The following SBNO2 variants were observed in gnomAD, a reference collection of about 807,000 sequenced individuals.
SBNO2 encodes strawberry notch homolog 2.
A neutral mutation model predicts 146.3 loss-of-function variants in SBNO2; 89 were observed. That is an observed-to-expected ratio of 0.61 (90% CI 0.51 to 0.73). The LOEUF is 0.73. Among genes scored for constraint, SBNO2 ranks in the 30% least tolerant of loss-of-function variants. The pLI is 0.00. For synonymous variants in SBNO2, 1,147 were observed against 892.6 expected (o/e 1.29, Z -5.08); for missense variants, 2,092 against 2,003.7 (o/e 1.04, Z -0.84).
In SBNO2 at chr19:1,138,812, C is replaced by T. The variant is rs543635267; in HGVS notation, c.279+8497G>A. 1.1e-4 allele frequency among the ~76,000 whole-genome samples: 16 copies of T among 151,018 alleles called. No homozygotes were observed. The East Asian group carries it at 2.2e-3, about 20-fold the overall frequency. On this transcript the variant is annotated intron_variant, in intron 4 of 31. Transcript: ENST00000361757. Reference sequence around the variant, plus strand: ...AGTGGGGCCCTCCACGCCTCCATCACGGACAGACACAGTTGGTCCTCCACG... The same window carrying T: ...AGTGGGGCCCTCCACGCCTCCATCATGGACAGACACAGTTGGTCCTCCACG...
intron 7 of SBNO2, 49 bp downstream of exon 7, chr19:1,123,485 C>T (rs747538773): frequency 6.5e-7 from 1 of 1,539,750 alleles, no homozygotes; most frequent in Admixed American, 1.7e-5. Flanking sequence ...CTCGGTCCCA[C>T]AAAAGGGTTT....
chr19:1,172,239 C>T (rs538524747), intron 1 of SBNO2, among the ~76,000 whole-genome samples: 1 of 152,344 alleles, frequency 6.6e-6, no homozygotes, highest in East Asian at 1.9e-4. Flanking sequence ...TCTCCTCTGC[C>T]GTCTCCCCTG....
intron 1 of SBNO2, among the ~76,000 whole-genome samples, chr19:1,170,062 C>T (rs140119588): frequency 3.5e-4 from 53 of 152,352 alleles, no homozygotes; most frequent in African/African-American, 1.2e-3. Flanking sequence ...AACGGAGTCA[C>T]GTGCCGTGGC....
In SBNO2 at chr19:1,140,608, G is replaced by A. The variant is rs1012817369; in HGVS notation, c.279+6701C>T. 1.3e-5 allele frequency among the ~76,000 whole-genome samples: 2 copies of A among 152,144 alleles called. No individual in the cohort carries two copies. The highest frequency in any genetic ancestry group is 4.8e-5 in the African/African-American group (2 of 41,432). ...CGCAGCGTGAGCCCCAGGGGTGGGG[G>A]TGGGGGTGGCCAGGGAGCAGGCAGA... is the stretch of plus-strand genomic sequence containing the variant. On this transcript the variant is annotated intron_variant, in intron 4 of 31. Coordinates refer to ENST00000361757, the MANE Select transcript of SBNO2 (RefSeq NM_014963.3). This position sits in a 1 kb window ranked among gnomAD's most constrained non-coding sequence, Gnocchi z 4.4.
chr19:1,122,146 T>C lies in SBNO2; in HGVS notation c.1142A>G (p.Glu381Gly). 1 of 1,378,672 alleles carries C rather than the reference T, an allele frequency of 7.3e-7. No homozygotes were observed. Among genetic ancestry groups the C allele is most frequent in the Non-Finnish European group, 9.5e-7 (1 of 1,058,186 alleles). The allele number at this position is 1,378,672 out of a possible 1,614,324, so 85.4% of individuals were successfully genotyped here. A position where few individuals can be genotyped will look rare whatever the true frequency, so the allele number is the denominator to read the frequency against. ...TTGCCCCCAGCAGGATACGACGCCC[T>C]CGAAGGCCTCCCCACACCAGTCCAG... Reference protein sequence around the residue: ...QILDWCGEAFEGVIVFDECHK... With the variant: ...QILDWCGEAFGGVIVFDECHK... The change falls in exon 11 of 32, where the codon GAG becomes GGG. Residue 381 changes from glutamate to glycine, a missense_variant. By Grantham distance (98) the Glu-to-Gly change is moderately conservative (BLOSUM62 -2). Transcript: ENST00000361757.
chr19:1,134,622 T>G (rs1385740704), intron 4 of SBNO2, among the ~76,000 whole-genome samples: 4 of 151,842 alleles, frequency 2.6e-5, no homozygotes, highest in African/African-American at 9.7e-5. Flanking sequence ...GGAAAAGCAT[T>G]CAGGTTATCA....
chr19:1,111,895 T>C, intron 23 of SBNO2, 101 bp downstream of exon 23: 1 of 1,086,136 alleles, frequency 9.2e-7, no homozygotes, highest in Non-Finnish European at 1.3e-6. Context: ...GAGCCCCACG[T>C]TCTCCAGCCC....
Position 1,158,400 on chromosome 19 carries a change from C to A in SBNO2, c.-126-3998G>T, listed in dbSNP as rs2080312581. 6.6e-6 allele frequency among the ~76,000 whole-genome samples: 1 copy of A among 152,144 alleles called. No individual in the cohort carries two copies. The highest frequency in any genetic ancestry group is 1.5e-5 in the Non-Finnish European group (1 of 68,008). ...GGAGCCTTGACGTGACCCCCAGAGC[C>A]AGACTCAGCAGCTCAGGCCACGCTG... On this transcript the variant is annotated intron_variant, in intron 1 of 31. Coordinates refer to ENST00000361757, the MANE Select transcript of SBNO2 (RefSeq NM_014963.3). The surrounding 1 kb of genome is among the most constrained non-coding windows in gnomAD (Gnocchi z 9.9).
At position 1,107,693 on chromosome 19, in the gene SBNO2, C is replaced by T. The variant is rs776751278; in HGVS notation, c.*527G>A. On this transcript the variant is annotated 3_prime_UTR_variant, in exon 32 of 32. Transcript: ENST00000361757. ...AGTCCTTTACATATGTACATCAGAA[C>T]TTGCTATAAATACATAGAAACCGCA... is the stretch of plus-strand genomic sequence containing the variant. 6.5e-6 allele frequency: 1 copy of T among 152,756 alleles called. No homozygotes were observed. Among genetic ancestry groups the T allele is most frequent in the Non-Finnish European group, 1.5e-5 (1 of 68,194 alleles). The allele number at this position is 152,756 out of a possible 1,614,324, so 9.5% of individuals were successfully genotyped here. A position where few individuals can be genotyped will look rare whatever the true frequency, so the allele number is the denominator to read the frequency against.
At chr19:1,167,728 G>A (rs2080439344) in intron 1 of SBNO2, among the ~76,000 whole-genome samples, 1 of 152,320 alleles carries the variant, frequency 6.6e-6, no homozygotes, top group South Asian at 2.1e-4. Flanking sequence ...GGGGGTGGGG[G>A]GGACGGTGGC....
At position 1,110,554 on chromosome 19, in the gene SBNO2, G is replaced by A. The variant is rs574171463; in HGVS notation, c.3028+191C>T. Among the ~76,000 whole-genome samples the A allele has an allele frequency of 4.3e-4, 59 of 136,784 alleles. No individual in the cohort carries two copies. The highest frequency in any genetic ancestry group is 1.4e-3 in the African/African-American group (53 of 37,388). The allele number at this position is 136,784 out of a possible 152,430, so 89.7% of individuals were successfully genotyped here. A position where few individuals can be genotyped will look rare whatever the true frequency, so the allele number is the denominator to read the frequency against. ...AATGCACGGTGTTCCCACGAGCCCC[G>A]AGCCCACCTGGGATGCCCGGCGTTC... On this transcript the variant is annotated intron_variant, in intron 26 of 31. Transcript: ENST00000361757. This position sits in a 1 kb window ranked among gnomAD's most constrained non-coding sequence, Gnocchi z 4.9.
chr19:1,149,435 A>G lies in SBNO2; in HGVS notation c.101T>C (p.Met34Thr). 1 of 1,551,822 alleles carries G rather than the reference A, an allele frequency of 6.4e-7. No individual in the cohort carries two copies. Among genetic ancestry groups the G allele is most frequent in the Non-Finnish European group, 8.7e-7 (1 of 1,147,878 alleles). Residue 34 changes from methionine to threonine, a missense_variant, in exon 3 of 32, where the codon ATG (methionine) becomes ACG (threonine). Met to Thr is a moderately conservative substitution (Grantham distance 81, BLOSUM62 -1). Transcript: ENST00000361757. The part of the protein sequence containing the change: ...LYSPPPLQSA[M>T]LHCPYWNTFS... Reference sequence around the variant, plus strand: ...GGTGTTCCAGTAGGGGCAGTGCAGCATGGCGCTCTAGAAGAGACAGCGGGC... The same window carrying G: ...GGTGTTCCAGTAGGGGCAGTGCAGCGTGGCGCTCTAGAAGAGACAGCGGGC...
intron 1 of SBNO2, among the ~76,000 whole-genome samples, chr19:1,169,593 G>C (rs1035544536): frequency 3.3e-5 from 5 of 152,174 alleles, no homozygotes; most frequent in Admixed American, 3.3e-4. Flanking sequence ...CCCCCGGGGG[G>C]TGGGGTGATG....
intron 3 of SBNO2, among the ~76,000 whole-genome samples, chr19:1,149,125 C>T (rs1272745905): frequency 7.0e-6 from 1 of 142,632 alleles, no homozygotes; most frequent in African/African-American, 2.6e-5. Context: ...ACCTCCCCGC[C>T]CTCTACCAAG....
intron 16 of SBNO2, 50 bp downstream of exon 16, chr19:1,116,779 T>C: frequency 1.4e-6 from 2 of 1,473,138 alleles, no homozygotes; most frequent in Non-Finnish European, 1.8e-6. Flanking sequence ...CAGAGAGGGG[T>C]GGCCATGAGC....
intron 1 of SBNO2, among the ~76,000 whole-genome samples, chr19:1,171,485 G>A (rs1302028707): frequency 6.6e-6 from 1 of 152,170 alleles, no homozygotes; most frequent in Non-Finnish European, 1.5e-5. Context: ...CTCCAGGAGT[G>A]TTTACAGCTG....
At chr19:1,152,935 C>T (rs1366483644) in intron 2 of SBNO2, among the ~76,000 whole-genome samples, 1 of 152,064 alleles carries the variant, frequency 6.6e-6, no homozygotes, top group East Asian at 2.0e-4. Flanking sequence ...GGCGGGTCAA[C>T]TGAGCCCGGG....
chr19:1,157,423 C>G lies in SBNO2; in HGVS notation c.-126-3021G>C, dbSNP rs2080301948. 6.6e-6 allele frequency among the ~76,000 whole-genome samples: 1 copy of G among 151,222 alleles called. No homozygotes were observed. Among genetic ancestry groups the G allele is most frequent in the South Asian group, 2.1e-4 (1 of 4,676 alleles). On this transcript the variant is annotated intron_variant, in intron 1 of 31. Transcript: ENST00000361757. This position sits in a 1 kb window ranked among gnomAD's most constrained non-coding sequence, Gnocchi z 6.8. ...CTCCCCACGCGGCCCCGGAGACCCT[C>G]TCCCCACGCGGCCCCGGTGACACGG...
Position 1,111,016 on chromosome 19 carries a change from C to CA in SBNO2, c.2884+2dup. On this transcript the variant is annotated splice_region_variant and intron_variant, in intron 25 of 31. Coordinates refer to ENST00000361757, the MANE Select transcript of SBNO2 (RefSeq NM_014963.3). ...CCTCTGGGCCTGGGTGTGGGGCACT[C>CA]ACCCTTCTCCACGTCCAGGCAGCCA... 6.3e-7 allele frequency: 1 copy of CA among 1,587,452 alleles called. No homozygotes were observed. Among genetic ancestry groups the CA allele is most frequent in the Non-Finnish European group, 8.6e-7 (1 of 1,167,688 alleles).
Sources: allele counts gnomAD v4.1 joint callset (sites outside exome capture counted in the v4.1 genomes callset), GRCh38; gene constraint gnomAD v4.1.1; non-coding constraint Gnocchi (gnomAD v3.1); transcripts MANE v1.5; gene names NCBI Gene and HGNC (gene_info 2026-07-23, HGNC 2026-07-21).